CACNA1F: variants seen among roughly 807,000 people sequenced by gnomAD.
The protein encoded by CACNA1F is calcium voltage-gated channel subunit alpha1 F, also known as voltage-dependent L-type calcium channel subunit alpha-1F.
In CACNA1F, 59 loss-of-function variants were observed where a neutral mutation model predicts 143.8. The observed-to-expected ratio is 0.41, with a 90% confidence interval of 0.33 to 0.51. The LOEUF (loss-of-function observed/expected upper bound fraction) is 0.51. CACNA1F is among the 20% of genes least tolerant of loss of function. The pLI is 0.22. For synonymous variants in CACNA1F, 643 were observed against 649.1 expected (o/e 0.99, Z 0.14); for missense variants, 1,411 against 1,647.5 (o/e 0.86, Z 2.48).
Position 49,221,173 on chromosome X carries a change from T to C in CACNA1F, c.2289-93A>G, listed in dbSNP as rs1313156806. 6 of 744,627 alleles carry C rather than the reference T, an allele frequency of 8.1e-6. No homozygotes were observed. The Admixed American group carries it at 1.2e-4, about 15-fold the overall frequency. The allele number at this position is 744,627 out of a possible 1,213,427, so 61.4% of individuals were successfully genotyped here. ...TTTCTTGGGTCCCATAGAACTTTCT[T>C]GCTTCCGCTCTTCCCCACTGCCCCT... On this transcript the variant is annotated intron_variant, in intron 17 of 47. Coordinates refer to ENST00000323022, the MANE Select transcript of CACNA1F (RefSeq NM_001256789.3).
chrX:49,211,237 A>G (rs1333351516), intron 36 of CACNA1F, 85 bp downstream of exon 36: 2 of 1,129,487 alleles, frequency 1.8e-6, no homozygotes, highest in African/African-American at 3.6e-5. Context: ...CACTATGAAG[A>G]TCTGGGCTGC....
chrX:49,218,295 T>C (rs1411721440), intron 24 of CACNA1F, among the ~76,000 whole-genome samples, 160 bp downstream of exon 24: 1 of 111,213 alleles, frequency 9.0e-6, no homozygotes, highest in African/African-American at 3.3e-5. Context: ...GGAAGGAACA[T>C]GGGTCAGGCC....
At chrX:49,231,010 C>CGGGGGGGG in intron 3 of CACNA1F, 21 bp from the exon 4 acceptor site, 1 of 551,728 alleles carries the variant, frequency 1.8e-6, no homozygotes, top group Admixed American at 3.2e-5. Flanking sequence ...GACCGGGGGG[C>CGGGGGGGG]GGGTCGGGAA....
intron 33 of CACNA1F, 132 bp downstream of exon 33, chrX:49,212,535 A>G: frequency 2.6e-6 from 2 of 757,154 alleles, no homozygotes; most frequent in Non-Finnish European, 3.9e-6. Context: ...CAGAAAAAAG[A>G]GAAAATTGGA....
chrX:49,208,828 T>A (rs1468743573), intron 42 of CACNA1F, 144 bp from the exon 43 acceptor site: 10 of 515,513 alleles, frequency 1.9e-5, no homozygotes, highest in Non-Finnish European at 3.4e-5. Context: ...AATACGTAAA[T>A]AAATAAATAA....
In CACNA1F at chrX:49,218,528, G is replaced by A. The variant is rs375587802; in HGVS notation, c.2855C>T (p.Ser952Leu). ...ISFGIHSSAI[S>L]VVKILRVLRV... ...GAGTACTCGCAGAATCTTCACCACC[G>A]AGATGGCGCTGGAGCTGGGGAAGGG... The change falls in exon 24 of 48, where the codon TCG becomes TTG. Residue 952 changes from serine (S) to leucine (L), a missense_variant. Coordinates refer to ENST00000323022, the MANE Select transcript of CACNA1F (RefSeq NM_001256789.3). 3.4e-6 allele frequency: 4 copies of A among 1,191,834 alleles called. No individual in the cohort carries two copies. The highest frequency in any genetic ancestry group is 1.7e-5 in the African/African-American group (1 of 57,190).
Position 49,208,629 on chromosome X carries a change from A to G in CACNA1F, c.5009T>C (p.Leu1670Pro), listed in dbSNP as rs1304581579. ...ATCTGGAAGTCTGTCCCCGACAGGCAGAGACACAGAAATCCCGGAGCCCCG... is the reference window on the plus strand; with the variant it reads ...ATCTGGAAGTCTGTCCCCGACAGGCGGAGACACAGAAATCCCGGAGCCCCG... ...ARRGSGISVS[L>P]PVGDRLPDSL... Residue 1670 changes from leucine (L) to proline (P), a missense_variant, in exon 43 of 48, where the codon CTG becomes CCG. Transcript: ENST00000323022. 1 of 1,208,667 alleles carries G rather than the reference A, an allele frequency of 8.3e-7. No homozygotes were observed. Among genetic ancestry groups the G allele is most frequent in the African/African-American group, 1.8e-5 (1 of 56,858 alleles).
chrX:49,233,254 A>G, intron 1 of CACNA1F, 31 bp downstream of exon 1: 1 of 1,208,323 alleles, frequency 8.3e-7, no homozygotes. Flanking sequence ...CCTTGCTCCA[A>G]GGGTCTGCAG....
rs200986638 is a variant in CACNA1F at position 49,205,615 on chromosome X, C to T, written c.5670+1G>A. The T allele has an allele frequency of 1.7e-6, 2 of 1,198,975 alleles. No individual in the cohort carries two copies. Among genetic ancestry groups the T allele is most frequent in the Non-Finnish European group, 2.3e-6 (2 of 888,790 alleles). ...CTTGTCTATATGCCCTCTGGACTCA[C>T]AGCCTCCACCAAGCTGTCGGCACTG... On this transcript the variant is annotated splice_donor_variant, in intron 47 of 47. Coordinates refer to ENST00000323022, the MANE Select transcript of CACNA1F (RefSeq NM_001256789.3). LOFTEE classifies it high-confidence loss of function.
chrX:49,214,815 G>A lies in CACNA1F; in HGVS notation c.3597+271C>T, dbSNP rs1291096188. On this transcript the variant is annotated intron_variant, in intron 29 of 47. Coordinates refer to ENST00000323022, the MANE Select transcript of CACNA1F (RefSeq NM_001256789.3). ...TTACATTTTAGAATCTCTGAAATTG[G>A]GGCGCATTTTATAACAAATGGCAAC... 2.7e-5 allele frequency among the ~76,000 whole-genome samples: 3 copies of A among 110,999 alleles called. No individual in the cohort carries two copies. The East Asian group carries it at 8.3e-4, about 31-fold the overall frequency.
intron 8 of CACNA1F, 60 bp from the exon 9 acceptor site, chrX:49,227,187 A>T: frequency 1.1e-6 from 1 of 939,839 alleles, no homozygotes; most frequent in Non-Finnish European, 1.5e-6. Flanking sequence ...TGCTTTCATC[A>T]CTCCAGCCAC....
At chrX:49,221,699 G>A (rs1381105937) in intron 17 of CACNA1F, among the ~76,000 whole-genome samples, 1 of 106,831 alleles carries the variant, frequency 9.4e-6, no homozygotes, top group East Asian at 3.1e-4. Context: ...TAAGAATGTG[G>A]TCAGGTGCGG....
chrX:49,213,795 AT>A, intron 31 of CACNA1F, 23 bp downstream of exon 31: 1 of 1,084,220 alleles, frequency 9.2e-7, no homozygotes, highest in African/African-American at 1.8e-5. Context: ...GCGAGAGTGG[AT>A]TAGTGGAAAG....
intron 18 of CACNA1F, among the ~76,000 whole-genome samples, 171 bp downstream of exon 18, chrX:49,220,864 A>G (rs1602642772): frequency 8.9e-6 from 1 of 112,641 alleles, no homozygotes; most frequent in Non-Finnish European, 1.9e-5. Flanking sequence ...TCTTGGACCC[A>G]GGAGGCAGAG....
Position 49,215,143 on chromosome X carries a change from G to C in CACNA1F, c.3540C>G (p.Ala1180=), listed in dbSNP as rs371311875. ...YRVWATVNSA[A]FEYLMFLLIL... Reference sequence around the variant, plus strand: ...TGAGCAGGAACATCAGGTACTCAAAGGCAGCAGAGTTCACAGTGGCCCACA... The same window carrying C: ...TGAGCAGGAACATCAGGTACTCAAACGCAGCAGAGTTCACAGTGGCCCACA... Residue 1180 remains alanine (A), a synonymous_variant, in exon 29 of 48, where the codon GCC becomes GCG. Transcript: ENST00000323022. 4 of 1,208,189 alleles carry C rather than the reference G, an allele frequency of 3.3e-6. No homozygotes were observed. In the African/African-American group the frequency reaches 5.3e-5, roughly 16 times the overall value.
chrX:49,231,736 A>G lies in CACNA1F; in HGVS notation c.217T>C (p.Phe73Leu), dbSNP rs782038297. 1 of 1,210,344 alleles carries G rather than the reference A, an allele frequency of 8.3e-7. No individual in the cohort carries two copies. Among genetic ancestry groups the G allele is most frequent in the Admixed American group, 2.2e-5 (1 of 45,890 alleles). Residue 73 changes from phenylalanine to leucine, a missense_variant, in exon 2 of 48, where the codon TTC (phenylalanine) becomes CTC (leucine). This residue lies in a region of CACNA1F where 950 missense variants were observed against 1,128.1 expected (regional missense o/e 0.84). Transcript: ENST00000323022. ...ASAQRSPRAL[F>L]CLTLANPLRR... ...AGAGGATTGGCCAGGGTGAGGCAGA[A>G]GAGTGCCCGAGGTGACCGCTGGGCA...
Position 49,206,741 on chromosome X carries a change from G to A in CACNA1F, c.5346C>T (p.Pro1782=). ...CCCTGCTCTCACCTGCAGGTGTGGG[G>A]GGCAGCAGACGGCGGCGTGGTACCA... ...GHLVPRRRLL[P]PTPAGRKPSF... The change falls in exon 45 of 48, where the codon CCC becomes CCT. Residue 1782 remains proline, a synonymous_variant. Coordinates refer to ENST00000323022, the MANE Select transcript of CACNA1F (RefSeq NM_001256789.3). 2 of 1,206,281 alleles carry A rather than the reference G, an allele frequency of 1.7e-6. No individual in the cohort carries two copies. The highest frequency in any genetic ancestry group is 2.2e-6 in the Non-Finnish European group (2 of 892,322).
chrX:49,232,179 G>C (rs1166084419), intron 1 of CACNA1F, among the ~76,000 whole-genome samples: 1 of 111,473 alleles, frequency 9.0e-6, no homozygotes, highest in Non-Finnish European at 1.9e-5. Flanking sequence ...TGGGGGTAGA[G>C]TTTAAATTGC....
At chrX:49,224,290 T>A (rs1195818965) in intron 14 of CACNA1F, among the ~76,000 whole-genome samples, 2 of 109,926 alleles carry the variant, frequency 1.8e-5, no homozygotes, top group Non-Finnish European at 3.8e-5. Context: ...GATGGTATTA[T>A]GGTTGGTGGT....
Sources: gnomAD v4.1 joint callset for allele counts (sites outside exome capture counted in the v4.1 genomes callset) on GRCh38, gnomAD v4.1.1 for gene constraint, gnomAD v4.1.1 regional missense constraint, MANE v1.5 for transcripts, NCBI Gene and HGNC (gene_info 2026-07-23, HGNC 2026-07-21) for gene names.